Variants in NAPG observed in about 807,000 individuals in gnomAD.
NAPG encodes NSF attachment protein gamma, also known as gamma-soluble NSF attachment protein.
NAPG carries 25 observed loss-of-function variants against 48.4 expected under a neutral mutation model. That is an observed-to-expected ratio of 0.52 (90% CI 0.38 to 0.72). The LOEUF (loss-of-function observed/expected upper bound fraction) is 0.72, where lower values mean the gene tolerates loss of function less well. Among genes scored for constraint, NAPG ranks in the 30% least tolerant of loss-of-function variants. The probability of loss-of-function intolerance (pLI) is 0.00; values close to 1 mark genes in which losing one functional copy is unlikely to be tolerated. For missense variants in NAPG, 359 were observed against 372.5 expected (o/e 0.96, Z 0.30); for synonymous variants, 139 against 127.2 (o/e 1.09, Z -0.62).
rs640832 is a variant in NAPG at position 10,539,742 on chromosome 18, A to G, written c.259-20A>G. On this transcript the variant is annotated intron_variant, in intron 5 of 11. Transcript: ENST00000322897. This position sits in a 1 kb window ranked among gnomAD's most constrained non-coding sequence, Gnocchi z 4.7. ...AATTGATGCATTTGCTGACCTGTCT[A>G]CTGTATCCTTTGCCCAAAGGAGATG... 587,384 of 1,588,208 alleles carry G rather than the reference A, an allele frequency of 0.37. 115,328 individuals carry two copies. Among genetic ancestry groups the G allele is most frequent in the African/African-American group, 0.74 (55,139 of 74,348 alleles).
At chr18:10,540,655 A>G in intron 8 of NAPG, 1 of 329,406 alleles carries the variant, frequency 3.0e-6, no homozygotes, top group Non-Finnish European at 5.5e-6. Flanking sequence ...TGGCTCAGCA[A>G]CATGAAAGGG....
In NAPG at chr18:10,548,081, G is replaced by T. The variant is rs2032305264; in HGVS notation, c.586-218G>T. ...TTAGAAATGGGTGAATCCCAGGCTT[G>T]CCCCTAGCAGCCAAATTCCAGGACA... is the stretch of plus-strand genomic sequence containing the variant. On this transcript the variant is annotated intron_variant, in intron 9 of 11. Coordinates refer to ENST00000322897, the MANE Select transcript of NAPG (RefSeq NM_003826.3). This position sits in a 1 kb window ranked among gnomAD's most constrained non-coding sequence, Gnocchi z 4.4. Among the ~76,000 whole-genome samples, 2 of 152,190 alleles carry T rather than the reference G, an allele frequency of 1.3e-5. No homozygotes were observed. The highest frequency in any genetic ancestry group is 2.4e-5 in the African/African-American group (1 of 41,462).
At chr18:10,545,028 C>A (rs1483058004) in intron 8 of NAPG, among the ~76,000 whole-genome samples, 1 of 152,100 alleles carries the variant, frequency 6.6e-6, no homozygotes, top group Non-Finnish European at 1.5e-5. Flanking sequence ...AGATAACATA[C>A]AGGCTGGGTG....
chr18:10,529,366 A>C (rs1048483326), intron 1 of NAPG, among the ~76,000 whole-genome samples: 1 of 152,232 alleles, frequency 6.6e-6, no homozygotes, highest in Non-Finnish European at 1.5e-5. Flanking sequence ...GTAAGCTTGA[A>C]AAATTGCTTA....
Position 10,544,553 on chromosome 18 carries a change from G to C in NAPG, c.507-1773G>C, listed in dbSNP as rs1234865696. On this transcript the variant is annotated intron_variant, in intron 8 of 11. Transcript: ENST00000322897. The surrounding 1 kb of genome is among the most constrained non-coding windows in gnomAD (Gnocchi z 5.1). ...TGCCCCCATTGGTGGTTCACAGCATGGCAGTTTGCTGCTAATTCGAGACAT... is the reference window on the plus strand; with the variant it reads ...TGCCCCCATTGGTGGTTCACAGCATCGCAGTTTGCTGCTAATTCGAGACAT... Among the ~76,000 whole-genome samples the C allele has an allele frequency of 6.6e-6, 1 of 152,196 alleles. No homozygotes were observed.
chr18:10,532,937 A>G, intron 3 of NAPG, 142 bp downstream of exon 3: 1 of 769,576 alleles, frequency 1.3e-6, no homozygotes, highest in South Asian at 2.0e-5. Flanking sequence ...CTGTATTTTT[A>G]AACTATGAAG....
At position 10,552,708 on chromosome 18, in the gene NAPG, C is replaced by T. The variant is rs1173393195; in HGVS notation, c.*2488C>T. ...TATTAAATGTGTTGTTATGGAAATA[C>T]AGATTATTGCTTCTATAGGAAGATA... On this transcript the variant is annotated 3_prime_UTR_variant, in exon 12 of 12. Transcript: ENST00000322897. The T allele has an allele frequency of 6.6e-6, 1 of 152,178 alleles. No individual in the cohort carries two copies. The highest frequency in any genetic ancestry group is 1.9e-4 in the East Asian group (1 of 5,208). 9.4% of individuals were successfully genotyped at this position (152,178 alleles called of 1,614,324 possible).
In NAPG at chr18:10,530,771, C is replaced by A; in HGVS notation, c.58C>A (p.Leu20Met). 6.4e-7 allele frequency: 1 copy of A among 1,560,084 alleles called. No homozygotes were observed. The highest frequency in any genetic ancestry group is 8.7e-7 in the Non-Finnish European group (1 of 1,152,568). Residue 20 changes from leucine (L) to methionine (M), a missense_variant and splice_region_variant, in exon 2 of 12, where the codon CTG (leucine) becomes ATG (methionine). Physicochemically the swap from Leu to Met is conservative, Grantham distance 15 (BLOSUM62 2). Coordinates refer to ENST00000322897, the MANE Select transcript of NAPG (RefSeq NM_003826.3). Reference sequence around the variant, plus strand: ...TTAACTGTGTTTTTTTCATTCTAGCCTGAAAACTGGTTTTTTAAAATGGAA... The same window carrying A: ...TTAACTGTGTTTTTTTCATTCTAGCATGAAAACTGGTTTTTTAAAATGGAA... Reference protein sequence around the residue: ...LEHLAKAEKYLKTGFLKWKPD... With the variant: ...LEHLAKAEKYMKTGFLKWKPD...
At chr18:10,532,918 A>G (rs1181670247) in intron 3 of NAPG, 123 bp downstream of exon 3, 6 of 860,556 alleles carry the variant, frequency 7.0e-6, no homozygotes, top group Non-Finnish European at 1.1e-5. Flanking sequence ...GAAAATGATT[A>G]GAAAAATTCT....
Position 10,546,552 on chromosome 18 carries a change from TA to T in NAPG, c.585+150del, listed in dbSNP as rs2143143844. The T allele has an allele frequency of 2.1e-6, 1 of 478,688 alleles. No homozygotes were observed. Among genetic ancestry groups the T allele is most frequent in the East Asian group, 3.8e-5 (1 of 26,278 alleles). 29.7% of individuals were successfully genotyped at this position (478,688 alleles called of 1,614,324 possible). A position where few individuals can be genotyped will look rare whatever the true frequency, so the allele number is the denominator to read the frequency against. On this transcript the variant is annotated intron_variant, in intron 9 of 11. Transcript: ENST00000322897. The surrounding 1 kb of genome is among the most constrained non-coding windows in gnomAD (Gnocchi z 4.0). ...GCCTCTATTTTTGACCAAGATAGAG[TA>T]AGCCCACTACAGCTTGTTTCTCTGC...
Position 10,546,527 on chromosome 18 carries a change from G to A in NAPG, c.585+123G>A, listed in dbSNP as rs1056627519. ...GTTTTTGTAAAATAATACTTCATGG[G>A]CCTCTATTTTTGACCAAGATAGAGT... is the stretch of plus-strand genomic sequence containing the variant. On this transcript the variant is annotated intron_variant, in intron 9 of 11. Coordinates refer to ENST00000322897, the MANE Select transcript of NAPG (RefSeq NM_003826.3). This position sits in a 1 kb window ranked among gnomAD's most constrained non-coding sequence, Gnocchi z 4.0. 3.7e-6 allele frequency: 2 copies of A among 535,266 alleles called. No individual in the cohort carries two copies. The highest frequency in any genetic ancestry group is 6.3e-6 in the Non-Finnish European group (2 of 316,756). 33.2% of individuals were successfully genotyped at this position (535,266 alleles called of 1,614,324 possible). A position where few individuals can be genotyped will look rare whatever the true frequency, so the allele number is the denominator to read the frequency against.
At position 10,532,785 on chromosome 18, in the gene NAPG, A is replaced by G. The variant is rs1309330650; in HGVS notation, c.199A>G (p.Asn67Asp). Residue 67 changes from asparagine (N) to aspartate (D), a missense_variant, in exon 3 of 12, where the codon AAT (asparagine) becomes GAT (aspartate). Physicochemically the swap from Asn to Asp is conservative, Grantham distance 23. Coordinates refer to ENST00000322897, the MANE Select transcript of NAPG (RefSeq NM_003826.3). Reference sequence around the variant, plus strand: ...CCTGAGGGAAGCTGTTGCCCATGAAAATAATAGGGCGTATCTTTTTCAACT... The same window carrying G: ...CCTGAGGGAAGCTGTTGCCCATGAAGATAATAGGGCGTATCTTTTTCAACT... ...ACLREAVAHENNRALFHAAKA... is the reference protein window; with the variant it reads ...ACLREAVAHEDNRALFHAAKA... The G allele has an allele frequency of 2.5e-6, 4 of 1,578,832 alleles. No individual in the cohort carries two copies. The highest frequency in any genetic ancestry group is 2.7e-5 in the African/African-American group (2 of 74,056).
chr18:10,527,460 C>T (rs924103997), intron 1 of NAPG, among the ~76,000 whole-genome samples: 25 of 152,112 alleles, frequency 1.6e-4, no homozygotes, highest in Non-Finnish European at 3.5e-4. Context: ...CTGGGGCTCT[C>T]CTGGTGCAGG....
chr18:10,548,366 G>A lies in NAPG; in HGVS notation c.653G>A (p.Arg218Gln), dbSNP rs776014800. The A allele has an allele frequency of 2.5e-5, 41 of 1,613,236 alleles. No individual in the cohort carries two copies. The highest frequency in any genetic ancestry group is 2.6e-5 in the Non-Finnish European group (31 of 1,179,376). Residue 218 changes from arginine (R) to glutamine (Q), a missense_variant, in exon 10 of 12, where the codon CGG becomes CAG. Arg to Gln is a conservative substitution (Grantham distance 43, BLOSUM62 1). Transcript: ENST00000322897. This position sits in a 1 kb window ranked among gnomAD's most constrained non-coding sequence, Gnocchi z 4.4. ...TATGTAGCTGCAGAAAGATGTGTCC[G>A]GGAGAGCTATAGGTAAGACGTTGTC... is the stretch of plus-strand genomic sequence containing the variant. ...NDYVAAERCVRESYSIPGFNG... is the reference protein window; with the variant it reads ...NDYVAAERCVQESYSIPGFNG...
intron 5 of NAPG, among the ~76,000 whole-genome samples, chr18:10,536,419 T>C (rs755083935): frequency 6.6e-6 from 1 of 152,210 alleles, no homozygotes. Context: ...TTTGTAGACA[T>C]ATGCACAAGG....
chr18:10,537,483 AGAG>A (rs1174122162), intron 5 of NAPG, among the ~76,000 whole-genome samples: 2 of 152,118 alleles, frequency 1.3e-5, no homozygotes, highest in Admixed American at 6.5e-5. Flanking sequence ...AGGAGGAGGA[AGAG>A]GAGGAGGAGG....
rs1191737065 is a variant in NAPG, at chr18:10,546,651, A to C, written c.585+247A>C. ...AACTCTGAAAAGTAAATAAAAAGAG[A>C]CTAAGGAGAGGAGCAAACACGTGGA... is the stretch of plus-strand genomic sequence containing the variant. On this transcript the variant is annotated intron_variant, in intron 9 of 11. Coordinates refer to ENST00000322897, the MANE Select transcript of NAPG (RefSeq NM_003826.3). This position sits in a 1 kb window ranked among gnomAD's most constrained non-coding sequence, Gnocchi z 4.0. Among the ~76,000 whole-genome samples, 1 of 152,198 alleles carries C rather than the reference A, an allele frequency of 6.6e-6. No homozygotes were observed. The highest frequency in any genetic ancestry group is 1.5e-5 in the Non-Finnish European group (1 of 68,036).
At chr18:10,531,424 A>G (rs1179063120) in intron 2 of NAPG, among the ~76,000 whole-genome samples, 1 of 152,238 alleles carries the variant, frequency 6.6e-6, no homozygotes, top group Non-Finnish European at 1.5e-5. Context: ...GAATTACAGA[A>G]TGATAGCTTT....
At chr18:10,538,380 G>A (rs541173933) in intron 5 of NAPG, among the ~76,000 whole-genome samples, 129 of 152,266 alleles carry the variant, frequency 8.5e-4, no homozygotes, top group African/African-American at 2.3e-3. Flanking sequence ...TGCTGATGCC[G>A]TAGCTTTTGA....
Sources: allele counts gnomAD v4.1 joint callset (sites outside exome capture counted in the v4.1 genomes callset), GRCh38; gene constraint gnomAD v4.1.1; non-coding constraint Gnocchi (gnomAD v3.1); transcripts MANE v1.5; gene names NCBI Gene and HGNC (gene_info 2026-07-23, HGNC 2026-07-21).